SPPL2A: variants seen among roughly 807,000 people sequenced by gnomAD.
The protein encoded by SPPL2A is signal peptide peptidase-like 2A.
In SPPL2A, 51 loss-of-function variants were observed where a neutral mutation model predicts 63.8. The ratio of observed to expected loss-of-function variants is 0.80; its 90% CI spans 0.64 to 1.01. The LOEUF (loss-of-function observed/expected upper bound fraction) is 1.01. Among genes scored for constraint, SPPL2A ranks in the 50% least tolerant of loss-of-function variants. SPPL2A has a pLI of 0.00. For synonymous variants in SPPL2A, 188 were observed against 205.8 expected (o/e 0.91, Z 0.74); for missense variants, 553 against 622.7 (o/e 0.89, Z 1.19).
At chr15:50,760,818 G>C (rs1172659912) in intron 1 of SPPL2A, among the ~76,000 whole-genome samples, 1 of 152,146 alleles carries the variant, frequency 6.6e-6, no homozygotes, top group African/African-American at 2.4e-5. Context: ...AGAGAACAGA[G>C]CAGAAGAGAA....
At chr15:50,725,028 C>T (rs867706121) in intron 12 of SPPL2A, among the ~76,000 whole-genome samples, 193 bp downstream of exon 12, 15 of 152,148 alleles carry the variant, frequency 9.9e-5, no homozygotes, top group African/African-American at 3.1e-4. Context: ...GGAGCTATTG[C>T]AGTACTTTAG....
chr15:50,735,821 C>T (rs1371446401), intron 8 of SPPL2A, among the ~76,000 whole-genome samples: 1 of 152,136 alleles, frequency 6.6e-6, no homozygotes, highest in African/African-American at 2.4e-5. Context: ...AGGTGATCCG[C>T]CTGCCTCGGC....
intron 10 of SPPL2A, among the ~76,000 whole-genome samples, chr15:50,729,669 A>T (rs1266664513): frequency 6.7e-6 from 1 of 150,124 alleles, no homozygotes; most frequent in African/African-American, 2.4e-5. Context: ...AAAGAAGAGG[A>T]AAAAAAAAAG....
chr15:50,713,268 A>ATTT (rs72061371), intron 14 of SPPL2A, among the ~76,000 whole-genome samples: 1,866 of 140,946 alleles, frequency 0.013, 15 homozygotes, highest in Middle Eastern at 0.072. Context: ...TTTCCTGAGT[A>ATTT]TTTTTTTTTT....
chr15:50,755,943 C>T (rs1367686039), intron 1 of SPPL2A, among the ~76,000 whole-genome samples: 3 of 151,966 alleles, frequency 2.0e-5, no homozygotes, highest in Non-Finnish European at 2.9e-5. Flanking sequence ...TTCTAATAAG[C>T]TCCTAGGTGA....
intron 1 of SPPL2A, among the ~76,000 whole-genome samples, chr15:50,757,490 C>T (rs1169259863): frequency 6.6e-6 from 1 of 152,154 alleles, no homozygotes; most frequent in East Asian, 1.9e-4. Flanking sequence ...CCCCAATCTT[C>T]CTTTTACAGG....
In SPPL2A at chr15:50,706,999, C is replaced by G. The variant is rs542372160; in HGVS notation, c.*801G>C. On this transcript the variant is annotated 3_prime_UTR_variant, in exon 15 of 15. Transcript: ENST00000261854. Reference sequence around the variant, plus strand: ...TAAAAAAATACTACAAAAATATGCACTTATATTTCCAAAATTATGTATTTC... The same window carrying G: ...TAAAAAAATACTACAAAAATATGCAGTTATATTTCCAAAATTATGTATTTC... 2.0e-5 allele frequency: 3 copies of G among 152,274 alleles called. No individual in the cohort carries two copies. The highest frequency in any genetic ancestry group is 2.1e-4 in the South Asian group (1 of 4,830). The allele number at this position is 152,274 out of a possible 1,614,324, so 9.4% of individuals were successfully genotyped here. A position where few individuals can be genotyped will look rare whatever the true frequency, so the allele number is the denominator to read the frequency against.
chr15:50,714,748 G>C (rs1255254108), intron 14 of SPPL2A, among the ~76,000 whole-genome samples: 1 of 151,888 alleles, frequency 6.6e-6, no homozygotes, highest in African/African-American at 2.4e-5. Flanking sequence ...TTCAGGACCA[G>C]CCTGGCTAAC....
Position 50,725,339 on chromosome 15 carries a change from AC to A in SPPL2A, c.1147-17del, listed in dbSNP as rs748103340. ...CTACTGGCAACTGTTCAAAAACAAA[AC>A]AAAACAAAACAAAACAAAACAAAAA... On this transcript the variant is annotated splice_polypyrimidine_tract_variant and intron_variant, in intron 11 of 14. Transcript: ENST00000261854. 9 of 1,218,536 alleles carry A rather than the reference AC, an allele frequency of 7.4e-6. No homozygotes were observed. In the South Asian group the frequency reaches 1.2e-4, roughly 16 times the overall value. The allele number at this position is 1,218,536 out of a possible 1,614,324, so 75.5% of individuals were successfully genotyped here. A position where few individuals can be genotyped will look rare whatever the true frequency, so the allele number is the denominator to read the frequency against.
chr15:50,709,327 A>G (rs2062538639), intron 14 of SPPL2A, among the ~76,000 whole-genome samples: 1 of 152,188 alleles, frequency 6.6e-6, no homozygotes, highest in African/African-American at 2.4e-5. Context: ...AGCAAGATAA[A>G]TGTTCCTATT....
intron 12 of SPPL2A, among the ~76,000 whole-genome samples, chr15:50,722,613 C>T (rs2062657441): frequency 6.6e-6 from 1 of 152,148 alleles, no homozygotes; most frequent in Admixed American, 6.6e-5. Flanking sequence ...CGTGCCACCA[C>T]ACTTGGCTAA....
rs71127139 is a variant in SPPL2A at position 50,746,436 on chromosome 15, CAAAAAAA to C, written c.584+1052_584+1058del. On this transcript the variant is annotated intron_variant, in intron 5 of 14. Coordinates refer to ENST00000261854, the MANE Select transcript of SPPL2A (RefSeq NM_032802.4). ...CTGGCAACAGAGCGAGACTCTGTATCAAAAAAAAAAAAAAAAAAAAAAAAAGGAAAAT... is the reference window on the plus strand; with the variant it reads ...CTGGCAACAGAGCGAGACTCTGTATCAAAAAAAAAAAAAAAAAAGGAAAAT... Among the ~76,000 whole-genome samples, 164 of 87,050 alleles carry C rather than the reference CAAAAAAA, an allele frequency of 1.9e-3. 1 individual carries two copies. Among genetic ancestry groups the C allele is most frequent in the Middle Eastern group, 8.2e-3 (1 of 122 alleles). The allele number at this position is 87,050 out of a possible 152,430, so 57.1% of individuals were successfully genotyped here. A position where few individuals can be genotyped will look rare whatever the true frequency, so the allele number is the denominator to read the frequency against.
rs1248509874 is a variant in SPPL2A at position 50,717,812 on chromosome 15, T to C, written c.1488+2128A>G. On this transcript the variant is annotated intron_variant, in intron 14 of 14. Coordinates refer to ENST00000261854, the MANE Select transcript of SPPL2A (RefSeq NM_032802.4). Reference sequence around the variant, plus strand: ...GTCTGGACATAAATTTAATATTCTTTAGAAAGCCCTCCCCAAATCACCTAG... The same window carrying C: ...GTCTGGACATAAATTTAATATTCTTCAGAAAGCCCTCCCCAAATCACCTAG... Among the ~76,000 whole-genome samples the C allele has an allele frequency of 2.0e-5, 3 of 152,242 alleles. No homozygotes were observed. The East Asian group carries it at 5.8e-4, about 29-fold the overall frequency.
intron 12 of SPPL2A, among the ~76,000 whole-genome samples, chr15:50,722,429 T>C (rs1288866770): frequency 2.0e-5 from 3 of 152,242 alleles, no homozygotes; most frequent in African/African-American, 7.2e-5. Context: ...ATCATTTTTA[T>C]CAGCTGCTCA....
rs1031170764 is a variant in SPPL2A at position 50,705,452 on chromosome 15, G to C, written c.*2348C>G. On this transcript the variant is annotated 3_prime_UTR_variant, in exon 15 of 15. Coordinates refer to ENST00000261854, the MANE Select transcript of SPPL2A (RefSeq NM_032802.4). ...GCTATTAAATATAAAGCTTGGATGAGGGTGCAGATAATTTTACAAAACAGC... is the reference window on the plus strand; with the variant it reads ...GCTATTAAATATAAAGCTTGGATGACGGTGCAGATAATTTTACAAAACAGC... 6.6e-6 allele frequency: 1 copy of C among 152,064 alleles called. No individual in the cohort carries two copies. The highest frequency in any genetic ancestry group is 2.4e-5 in the African/African-American group (1 of 41,396). 9.4% of individuals were successfully genotyped at this position (152,064 alleles called of 1,614,324 possible).
At chr15:50,708,426 G>A (rs1353684365) in intron 14 of SPPL2A, among the ~76,000 whole-genome samples, 1 of 152,118 alleles carries the variant, frequency 6.6e-6, no homozygotes, top group East Asian at 1.9e-4. Context: ...ACATTTGCTA[G>A]GCCGGGCGCA....
At chr15:50,720,517 CTT>C (rs750969318) in intron 13 of SPPL2A, among the ~76,000 whole-genome samples, 2 of 105,566 alleles carry the variant, frequency 1.9e-5, no homozygotes, top group Non-Finnish European at 3.9e-5. Flanking sequence ...TTGAACTTTT[CTT>C]TTTTTTTTTT....
intron 4 of SPPL2A, 187 bp downstream of exon 4, chr15:50,747,926 A>G: frequency 2.2e-6 from 1 of 457,428 alleles, no homozygotes; most frequent in Non-Finnish European, 3.9e-6. Context: ...ATCCTTTCTA[A>G]AGTTTAGGCT....
chr15:50,732,925 A>T (rs1251904325), intron 8 of SPPL2A, among the ~76,000 whole-genome samples: 1 of 152,040 alleles, frequency 6.6e-6, no homozygotes, highest in East Asian at 1.9e-4. Flanking sequence ...AGTAGCTGGG[A>T]CTAAAGGCAT....
Sources: allele counts gnomAD v4.1 joint callset (sites outside exome capture counted in the v4.1 genomes callset), GRCh38; gene constraint gnomAD v4.1.1; transcripts MANE v1.5; gene names NCBI Gene and HGNC (gene_info 2026-07-23, HGNC 2026-07-21).